MDM4: variants seen among roughly 807,000 people sequenced by gnomAD.
The protein encoded by MDM4 is protein Mdm4.
In MDM4, 2 loss-of-function variants were observed where a neutral mutation model predicts 60.2. The ratio of observed to expected loss-of-function variants is 0.03; its 90% CI spans 0.01 to 0.10. The LOEUF (loss-of-function observed/expected upper bound fraction) is 0.10. Ranked by LOEUF, MDM4 falls within the 10% of genes least tolerant of loss-of-function variation. The pLI, the probability that MDM4 is intolerant of heterozygous loss-of-function variation, is 1.00. For missense variants in MDM4, 447 were observed against 577.5 expected (o/e 0.77, Z 2.32); for synonymous variants, 202 against 198.1 (o/e 1.02, Z -0.17).
At position 204,518,434 on chromosome 1, in the gene MDM4, G is replaced by A. The variant is rs948433906; in HGVS notation, c.-36+1925G>A. Among the ~76,000 whole-genome samples, 4 of 152,152 alleles carry A rather than the reference G, an allele frequency of 2.6e-5. No individual in the cohort carries two copies. The East Asian group carries it at 7.7e-4, about 29-fold the overall frequency. ...GTCCCAGGTCCTGTAGAACACCTAC[G>A]TTCTGGATTTGACTTATTAACTGCT... On this transcript the variant is annotated intron_variant, in intron 1 of 10. Transcript: ENST00000367182.
Position 204,549,499 on chromosome 1 carries a change from C to T in MDM4, c.1290C>T (p.Cys430=). The T allele has an allele frequency of 6.2e-7, 1 of 1,610,338 alleles. No individual in the cohort carries two copies. The highest frequency in any genetic ancestry group is 1.7e-5 in the Admixed American group (1 of 59,028). ...QRTDTENMED[C]QNLLKPCSLC... ...CAGATACAGAAAACATGGAGGATTG[C>T]CAGAATCTCTTGAAGCCATGTAGCT... The change falls in exon 11 of 11, where the codon TGC becomes TGT. Residue 430 remains cysteine (C), a synonymous_variant. Transcript: ENST00000367182.
rs946040935 is a variant in MDM4 at position 204,554,895 on chromosome 1, G to A, written c.*5213G>A. 4 of 224,466 alleles carry A rather than the reference G, an allele frequency of 1.8e-5. No individual in the cohort carries two copies. Among genetic ancestry groups the A allele is most frequent in the African/African-American group, 6.7e-5 (3 of 44,828 alleles). The allele number at this position is 224,466 out of a possible 1,614,324, so 13.9% of individuals were successfully genotyped here. ...GTGCACTAATGCCATTATTGGTAAT[G>A]CCGTTATTGGTGAATACAGCATAGT... is the stretch of plus-strand genomic sequence containing the variant. On this transcript the variant is annotated 3_prime_UTR_variant, in exon 11 of 11. Coordinates refer to ENST00000367182, the MANE Select transcript of MDM4 (RefSeq NM_002393.5).
At position 204,526,345 on chromosome 1, in the gene MDM4, TTA is replaced by T. The variant is rs1360973698; in HGVS notation, c.79-13_79-12del. 6.2e-7 allele frequency: 1 copy of T among 1,605,742 alleles called. No homozygotes were observed. Among genetic ancestry groups the T allele is most frequent in the Admixed American group, 1.7e-5 (1 of 59,748 alleles). ...TTGAAATGTAAATAGCACATTTATT[TTA>T]TGTTTATATCAGGTACGACCAAAAC... On this transcript the variant is annotated splice_polypyrimidine_tract_variant and intron_variant, in intron 2 of 10. Transcript: ENST00000367182.
chr1:204,525,559 A>G lies in MDM4; in HGVS notation c.41A>G (p.Asp14Gly), dbSNP rs1660044128. Residue 14 changes from aspartate to glycine, a missense_variant, in exon 2 of 11, where the codon GAC becomes GGC. Coordinates refer to ENST00000367182, the MANE Select transcript of MDM4 (RefSeq NM_002393.5). ...FSTSAQCSTS[D>G]SACRISPGQI... ...ACCTCTGCTCAGTGTTCAACATCTG[A>G]CAGTGCTTGCAGGATCTCTCCTGGA... is the stretch of plus-strand genomic sequence containing the variant. 1 of 1,611,634 alleles carries G rather than the reference A, an allele frequency of 6.2e-7. No homozygotes were observed. Among genetic ancestry groups the G allele is most frequent in the East Asian group, 2.2e-5 (1 of 44,854 alleles).
chr1:204,526,019 C>T (rs969727455), intron 2 of MDM4, among the ~76,000 whole-genome samples: 6 of 152,150 alleles, frequency 3.9e-5, no homozygotes, highest in Admixed American at 2.0e-4. Flanking sequence ...CTTCGGGAGG[C>T]GGAGGTAGGC....
rs1356758782 is a variant in MDM4 at position 204,517,725 on chromosome 1, A to C, written c.-36+1216A>C. 3.9e-5 allele frequency among the ~76,000 whole-genome samples: 6 copies of C among 152,178 alleles called. 1 individual carries two copies. The highest frequency in any genetic ancestry group is 3.9e-4 in the East Asian group (2 of 5,164). On this transcript the variant is annotated intron_variant, in intron 1 of 10. Transcript: ENST00000367182. ...CCGAAAACCACAGTTTAAAAGCAACACCCGGAGAAAATGCTGCAGCTCTGT... is the reference window on the plus strand; with the variant it reads ...CCGAAAACCACAGTTTAAAAGCAACCCCCGGAGAAAATGCTGCAGCTCTGT...
At position 204,529,104 on chromosome 1, in the gene MDM4, G is replaced by T. The variant is rs1421456632; in HGVS notation, c.154-1580G>T. On this transcript the variant is annotated intron_variant, in intron 3 of 10. Coordinates refer to ENST00000367182, the MANE Select transcript of MDM4 (RefSeq NM_002393.5). Reference sequence around the variant, plus strand: ...CAGCTCTGTGTAGCTAATGGAGCCTGAGTTGTCCCAGTCATAACTGCTGGA... The same window carrying T: ...CAGCTCTGTGTAGCTAATGGAGCCTTAGTTGTCCCAGTCATAACTGCTGGA... 32 of 1,321,178 alleles carry T rather than the reference G, an allele frequency of 2.4e-5. 1 individual carries two copies. In the Admixed American group the frequency reaches 5.7e-4, roughly 23 times the overall value. The allele number at this position is 1,321,178 out of a possible 1,614,324, so 81.8% of individuals were successfully genotyped here. A position where few individuals can be genotyped will look rare whatever the true frequency, so the allele number is the denominator to read the frequency against.
In MDM4 at chr1:204,549,420, A is replaced by G. The variant is rs1209610511; in HGVS notation, c.1211A>G (p.Gln404Arg). Reference sequence around the variant, plus strand: ...GATTTGGCTCACAGTTCTGAAAGCCAAGAGACCATCTCAAGCATGGGAGAA... The same window carrying G: ...GATTTGGCTCACAGTTCTGAAAGCCGAGAGACCATCTCAAGCATGGGAGAA... ...FLDLAHSSES[Q>R]ETISSMGEQL... Residue 404 changes from glutamine (Q) to arginine (R), a missense_variant, in exon 11 of 11, where the codon CAA becomes CGA. By Grantham distance (43) the Gln-to-Arg change is conservative. This residue lies in a region of MDM4 where 117 missense variants were observed against 114.5 expected (regional missense o/e 1.02). Coordinates refer to ENST00000367182, the MANE Select transcript of MDM4 (RefSeq NM_002393.5). 3 of 1,613,318 alleles carry G rather than the reference A, an allele frequency of 1.9e-6. No individual in the cohort carries two copies. The highest frequency in any genetic ancestry group is 2.5e-6 in the Non-Finnish European group (3 of 1,179,852).
At chr1:204,528,761 G>A in intron 3 of MDM4, 1 of 798,248 alleles carries the variant, frequency 1.3e-6, no homozygotes, top group Non-Finnish European at 2.1e-6. Context: ...GACAGGAAAA[G>A]AAGAGAGAGG....
At chr1:204,526,186 G>A (rs1445016571) in intron 2 of MDM4, among the ~76,000 whole-genome samples, 174 bp from the exon 3 acceptor site, 4 of 152,120 alleles carry the variant, frequency 2.6e-5, no homozygotes, top group African/African-American at 9.7e-5. Flanking sequence ...AGTCTGGGAG[G>A]TTGAGGCTGC....
chr1:204,528,855 C>G (rs1401832220), intron 3 of MDM4: 9 of 1,560,232 alleles, frequency 5.8e-6, no homozygotes, highest in African/African-American at 1.4e-5. Context: ...TCATAGCATC[C>G]GAGCTGTCAT....
Position 204,549,879 on chromosome 1 carries a change from GGAT to G in MDM4, c.*198_*200del. 1 of 462,932 alleles carries G rather than the reference GGAT, an allele frequency of 2.2e-6. No homozygotes were observed. The highest frequency in any genetic ancestry group is 3.8e-6 in the Non-Finnish European group (1 of 265,014). The allele number at this position is 462,932 out of a possible 1,614,324, so 28.7% of individuals were successfully genotyped here. A position where few individuals can be genotyped will look rare whatever the true frequency, so the allele number is the denominator to read the frequency against. On this transcript the variant is annotated 3_prime_UTR_variant, in exon 11 of 11. Transcript: ENST00000367182. ...GATTAGTCAAATTATTAAGTGCCAT[GGAT>G]TACTTTATGCAGCAGTCAGGTACAT...
intron 1 of MDM4, among the ~76,000 whole-genome samples, chr1:204,518,286 G>GCTGGGA (rs1253417388): frequency 1.3e-5 from 2 of 152,314 alleles, no homozygotes; most frequent in Admixed American, 1.3e-4. Flanking sequence ...CTCCGGAATA[G>GCTGGGA]CTGGGACTAC....
chr1:204,551,461 CTTTTTTTTTTTTTTTTT>C lies in MDM4; in HGVS notation c.*1792_*1808del, dbSNP rs56047802. ...ATACTGGATGGTTGAGAGGCAGCCT[CTTTTTTTTTTTTTTTTT>C]TTTTTTTTTTTTGGAGGATAGGGAG... On this transcript the variant is annotated 3_prime_UTR_variant, in exon 11 of 11. Transcript: ENST00000367182. 2.4e-5 allele frequency: 2 copies of C among 84,100 alleles called. No homozygotes were observed. Among genetic ancestry groups the C allele is most frequent in the Non-Finnish European group, 4.0e-5 (2 of 50,306 alleles). 5.2% of individuals were successfully genotyped at this position (84,100 alleles called of 1,614,324 possible).
At chr1:204,528,452 G>A (rs965871382) in intron 3 of MDM4, among the ~76,000 whole-genome samples, 1 of 152,146 alleles carries the variant, frequency 6.6e-6, no homozygotes, top group Non-Finnish European at 1.5e-5. Context: ...GCCTGGTGAG[G>A]GAACACAGGT....
intron 10 of MDM4, among the ~76,000 whole-genome samples, chr1:204,548,699 T>G (rs894477836): frequency 7.2e-5 from 11 of 152,310 alleles, no homozygotes; most frequent in South Asian, 2.1e-4. Flanking sequence ...TTGCCAAACT[T>G]TATAACATTT....
chr1:204,554,228 A>C lies in MDM4; in HGVS notation c.*4546A>C, dbSNP rs573316588. The C allele has an allele frequency of 4.4e-6, 1 of 226,032 alleles. No homozygotes were observed. The highest frequency in any genetic ancestry group is 2.2e-5 in the African/African-American group (1 of 45,094). 14.0% of individuals were successfully genotyped at this position (226,032 alleles called of 1,614,324 possible). ...CTCTTGACTCGCTTTTGAAAGGAAG[A>C]CAATTGTTAACTAGATATTTGAGTT... On this transcript the variant is annotated 3_prime_UTR_variant, in exon 11 of 11. Transcript: ENST00000367182.
chr1:204,549,237 C>T lies in MDM4; in HGVS notation c.1028C>T (p.Thr343Met), dbSNP rs1342830157. ...DCSKLTHSLS[T>M]SDITAIPEKE... ...TCAAAGTTAACCCATTCTCTCTCCA[C>T]GTCTGATATCACTGCCATACCTGAA... The change falls in exon 11 of 11, where the codon ACG becomes ATG. Residue 343 changes from threonine to methionine, a missense_variant. By Grantham distance (81) the Thr-to-Met change is moderately conservative. Around this residue, in one of 8 missense-constraint regions of MDM4, gnomAD observed 117 missense variants for 114.5 expected, o/e 1.02. Coordinates refer to ENST00000367182, the MANE Select transcript of MDM4 (RefSeq NM_002393.5). The T allele has an allele frequency of 9.3e-6, 15 of 1,613,918 alleles. No homozygotes were observed. The highest frequency in any genetic ancestry group is 6.7e-5 in the African/African-American group (5 of 74,922).
intron 3 of MDM4, 41 bp downstream of exon 3, chr1:204,526,475 T>TG (rs1436983793): frequency 1.3e-6 from 2 of 1,520,350 alleles, no homozygotes; most frequent in East Asian, 2.3e-5. Flanking sequence ...TTGTTTTTTT[T>TG]TTTTTTGAGA....
Sources: allele counts gnomAD v4.1 joint callset (sites outside exome capture counted in the v4.1 genomes callset), GRCh38; gene constraint gnomAD v4.1.1; regional missense constraint gnomAD v4.1.1; transcripts MANE v1.5; gene names NCBI Gene and HGNC (gene_info 2026-07-23, HGNC 2026-07-21).